The following RNF170 variants were observed in gnomAD, a reference collection of about 807,000 sequenced individuals.
The protein encoded by RNF170 is ring finger protein 170, also known as E3 ubiquitin-protein ligase RNF170.
Under a neutral mutation model 32.7 loss-of-function variants are expected in RNF170, and 12 were observed. The ratio of observed to expected loss-of-function variants is 0.37; its 90% CI spans 0.24 to 0.60. The LOEUF (loss-of-function observed/expected upper bound fraction) is 0.60. Ranked by LOEUF, RNF170 falls within the 20% of genes least tolerant of loss-of-function variation. The pLI, the probability that RNF170 is intolerant of heterozygous loss-of-function variation, is 0.72. For synonymous variants in RNF170, 91 were observed against 103.6 expected (o/e 0.88, Z 0.74); for missense variants, 212 against 311.2 (o/e 0.68, Z 2.40).
In RNF170 at chr8:42,887,763, G is replaced by A. The variant is rs746760783; in HGVS notation, c.102C>T (p.Phe34=). 3.7e-6 allele frequency: 6 copies of A among 1,613,976 alleles called. No individual in the cohort carries two copies. The highest frequency in any genetic ancestry group is 2.2e-5 in the South Asian group (2 of 91,076). The change falls in exon 2 of 7, where the codon TTC becomes TTT. Residue 34 remains phenylalanine (F), a synonymous_variant. Transcript: ENST00000527424. ...DQVLVAVVVS[F]ALIATLVYAL... ...CATATACCAGGGTAGCAATCAAAGC[G>A]AAACTGACCACAACTGCCACAAGTA...
intron 2 of RNF170, among the ~76,000 whole-genome samples, chr8:42,882,223 T>A (rs996756843): frequency 2.0e-5 from 3 of 152,156 alleles, no homozygotes; most frequent in Non-Finnish European, 2.9e-5. Flanking sequence ...GAAATTACTT[T>A]ATGACCCAGA....
Position 42,855,145 on chromosome 8 carries a change from A to G in RNF170, c.*1014T>C, listed in dbSNP as rs1284351762. 7.8e-7 allele frequency: 1 copy of G among 1,287,042 alleles called. No homozygotes were observed. The highest frequency in any genetic ancestry group is 2.3e-5 in the Admixed American group (1 of 43,538). 79.7% of individuals were successfully genotyped at this position (1,287,042 alleles called of 1,614,324 possible). On this transcript the variant is annotated 3_prime_UTR_variant, in exon 7 of 7. Coordinates refer to ENST00000527424, the MANE Select transcript of RNF170 (RefSeq NM_030954.4). The stretch of plus-strand genomic sequence containing the variant: ...AATCTTCCCTTTACAAATTACTTTT[A>G]TATCTACTACGAAAGGATGAGCTCT...
intron 6 of RNF170, among the ~76,000 whole-genome samples, chr8:42,858,032 C>A (rs1803371309): frequency 6.6e-6 from 1 of 152,004 alleles, no homozygotes; most frequent in Non-Finnish European, 1.5e-5. Flanking sequence ...GAGACTCTGT[C>A]TCAAAAAGAA....
intron 5 of RNF170, among the ~76,000 whole-genome samples, 191 bp downstream of exon 5, chr8:42,865,225 G>A (rs1001890682): frequency 2.0e-5 from 3 of 151,096 alleles, no homozygotes; most frequent in African/African-American, 7.3e-5. Flanking sequence ...CCACTGCACT[G>A]CAAGACCTTT....
intron 2 of RNF170, among the ~76,000 whole-genome samples, chr8:42,874,423 G>A (rs999434924): frequency 6.6e-6 from 1 of 152,152 alleles, no homozygotes; most frequent in African/African-American, 2.4e-5. Flanking sequence ...GGGGAACAGA[G>A]CAGAAACTAA....
At chr8:42,888,000 C>T in intron 1 of RNF170, 129 bp from the exon 2 acceptor site, 1 of 797,936 alleles carries the variant, frequency 1.3e-6, no homozygotes, top group East Asian at 2.7e-5. Flanking sequence ...TTAAGTACAA[C>T]TCCAGTGGGG....
rs995715433 is a variant in RNF170 at position 42,882,887 on chromosome 8, C to A, written c.137+4841G>T. Among the ~76,000 whole-genome samples the A allele has an allele frequency of 5.3e-5, 8 of 152,176 alleles. No individual in the cohort carries two copies. The East Asian group carries it at 1.5e-3, about 29-fold the overall frequency. ...GACCAGTCTGGGCAACATGGCGAAA[C>A]CTTGTCTCTACCAAAAATACAAAAA... On this transcript the variant is annotated intron_variant, in intron 2 of 6. Transcript: ENST00000527424.
In RNF170 at chr8:42,855,493, G is replaced by A; in HGVS notation, c.*666C>T. ...CCCAAAGTGCTAGGATTACAGGCGT[G>A]AGCCACCCCGCCCGGCCATGTTTTT... On this transcript the variant is annotated 3_prime_UTR_variant, in exon 7 of 7. Coordinates refer to ENST00000527424, the MANE Select transcript of RNF170 (RefSeq NM_030954.4). 1.6e-6 allele frequency: 2 copies of A among 1,252,716 alleles called. No homozygotes were observed. Among genetic ancestry groups the A allele is most frequent in the Non-Finnish European group, 2.1e-6 (2 of 957,242 alleles). The allele number at this position is 1,252,716 out of a possible 1,614,324, so 77.6% of individuals were successfully genotyped here.
rs564008850 is a variant in RNF170, at chr8:42,888,864, A to T, written c.-7-993T>A. On this transcript the variant is annotated intron_variant, in intron 1 of 6. Coordinates refer to ENST00000527424, the MANE Select transcript of RNF170 (RefSeq NM_030954.4). ...TCCTGAATACCAAATAAGTTCTCTA[A>T]ATAGATCAGATCCCTTTTCCCCCTC... 1.4e-4 allele frequency among the ~76,000 whole-genome samples: 22 copies of T among 151,880 alleles called. 1 individual carries two copies. In the South Asian group the frequency reaches 4.4e-3, roughly 30 times the overall value.
intron 1 of RNF170, among the ~76,000 whole-genome samples, chr8:42,893,482 A>G (rs1375429148): frequency 6.6e-6 from 1 of 152,242 alleles, no homozygotes. Flanking sequence ...GGACTTACAT[A>G]AAGTTTCAGT....
intron 4 of RNF170, among the ~76,000 whole-genome samples, chr8:42,869,206 G>A (rs1563259217): frequency 6.6e-6 from 1 of 152,136 alleles, no homozygotes; most frequent in Non-Finnish European, 1.5e-5. Flanking sequence ...CACAGCGCCT[G>A]GCCTCTTTGT....
intron 2 of RNF170, among the ~76,000 whole-genome samples, chr8:42,876,677 T>C (rs1422089202): frequency 1.4e-5 from 2 of 146,476 alleles, no homozygotes; most frequent in South Asian, 2.1e-4. Context: ...TTTTTTTTTT[T>C]GAGACAGAGT....
chr8:42,870,995 G>A (rs1804480565), intron 3 of RNF170, among the ~76,000 whole-genome samples: 1 of 152,036 alleles, frequency 6.6e-6, no homozygotes, highest in Non-Finnish European at 1.5e-5. Context: ...GATCACTTGA[G>A]GTCAGGAGTT....
chr8:42,853,323 T>C lies in RNF170; in HGVS notation c.*2836A>G, dbSNP rs899044438. 8.2e-7 allele frequency: 1 copy of C among 1,213,100 alleles called. No individual in the cohort carries two copies. Among genetic ancestry groups the C allele is most frequent in the African/African-American group, 1.6e-5 (1 of 63,148 alleles). The allele number at this position is 1,213,100 out of a possible 1,614,324, so 75.1% of individuals were successfully genotyped here. On this transcript the variant is annotated 3_prime_UTR_variant, in exon 7 of 7. Transcript: ENST00000527424. ...AAATGTTTTAGATATGTTGCTTTTA[T>C]TCAAAAGAATAAAATGCTTGACAAA...
intron 2 of RNF170, among the ~76,000 whole-genome samples, chr8:42,875,977 C>A (rs1453338346): frequency 6.6e-6 from 1 of 152,052 alleles, no homozygotes; most frequent in Non-Finnish European, 1.5e-5. Flanking sequence ...ATGAAAGCAC[C>A]CTGTCAAGGA....
Position 42,854,765 on chromosome 8 carries a change from C to T in RNF170, c.*1394G>A. On this transcript the variant is annotated 3_prime_UTR_variant, in exon 7 of 7. Transcript: ENST00000527424. ...GCTAACACTGACTCCTGGGCATCCC[C>T]TCACATCCTGCTGTCATACATTCAC... 3.1e-6 allele frequency: 4 copies of T among 1,287,460 alleles called. No individual in the cohort carries two copies. In the South Asian group the frequency reaches 3.7e-5, roughly 12 times the overall value. The allele number at this position is 1,287,460 out of a possible 1,614,324, so 79.8% of individuals were successfully genotyped here.
chr8:42,887,878 TAAG>T lies in RNF170; in HGVS notation c.-7-10_-7-8del, dbSNP rs768128168. ...ATATTTGGCCATTCCAGGTCTAAAA[TAAG>T]AAGAAACAAGATGAGAGTTACAAAT... is the stretch of plus-strand genomic sequence containing the variant. On this transcript the variant is annotated splice_region_variant and splice_polypyrimidine_tract_variant and intron_variant, in intron 1 of 6. Transcript: ENST00000527424. 75 of 1,611,964 alleles carry T rather than the reference TAAG, an allele frequency of 4.7e-5. No individual in the cohort carries two copies. Among genetic ancestry groups the T allele is most frequent in the Admixed American group, 2.5e-4 (15 of 59,996 alleles).
rs745713816 is a variant in RNF170, at chr8:42,874,022, T to A, written c.138-16A>T. 2 of 1,467,638 alleles carry A rather than the reference T, an allele frequency of 1.4e-6. No individual in the cohort carries two copies. The highest frequency in any genetic ancestry group is 2.8e-5 in the African/African-American group (2 of 71,976). 90.9% of individuals were successfully genotyped at this position (1,467,638 alleles called of 1,614,324 possible). On this transcript the variant is annotated splice_polypyrimidine_tract_variant and intron_variant, in intron 2 of 6. Coordinates refer to ENST00000527424, the MANE Select transcript of RNF170 (RefSeq NM_030954.4). ...ATGTACATTTCTGTTGAATAGAATA[T>A]AATAAATTTTGAATAGAAAATATTA...
upstream of RNF170, chr8:42,897,002 G>C (rs1343579102): frequency 3.3e-5 from 19 of 570,516 alleles, no homozygotes; most frequent in Non-Finnish European, 4.7e-5. Flanking sequence ...CGCTGGGCGA[G>C]AGTCGGCGGC....
Sources: allele counts gnomAD v4.1 joint callset (sites outside exome capture counted in the v4.1 genomes callset), GRCh38; gene constraint gnomAD v4.1.1; transcripts MANE v1.5; gene names NCBI Gene and HGNC (gene_info 2026-07-23, HGNC 2026-07-21).